Variants in CNBD1 observed in about 807,000 individuals in gnomAD.
The protein encoded by CNBD1 is cyclic nucleotide binding domain containing 1, also known as cyclic nucleotide-binding domain-containing protein 1.
CNBD1 carries 71 observed loss-of-function variants against 54.4 expected under a neutral mutation model. That is an observed-to-expected ratio of 1.30 (90% confidence interval 1.08 to 1.59). The LOEUF is 1.59. Among genes scored for constraint, CNBD1 ranks in the 40% most tolerant of loss-of-function variants. The pLI is 0.00. For missense variants in CNBD1, 659 were observed against 518.0 expected (o/e 1.27, Z -2.64); for synonymous variants, 182 against 170.7 (o/e 1.07, Z -0.51).
chr8:87,391,812 CA>C (rs1485377024), intron 2 of CNBD1, among the ~76,000 whole-genome samples: 2 of 151,920 alleles, frequency 1.3e-5, no homozygotes, highest in African/African-American at 2.4e-5. Flanking sequence ...AAAGCCCAAC[CA>C]AAAAATGAAA....
intron 6 of CNBD1, among the ~76,000 whole-genome samples, chr8:87,251,858 C>G (rs907533191): frequency 1.3e-5 from 2 of 151,814 alleles, no homozygotes; most frequent in Non-Finnish European, 2.9e-5. Context: ...CTGTATTTAT[C>G]TTTTTAAAAA....
intron 4 of CNBD1, among the ~76,000 whole-genome samples, chr8:87,065,518 C>T (rs1810630461): frequency 6.6e-6 from 1 of 151,618 alleles, no homozygotes; most frequent in Non-Finnish European, 1.5e-5. Context: ...TCTAGTTTGC[C>T]CTTATTATGA....
chr8:86,913,880 G>A (rs1809143143), intron 3 of CNBD1, among the ~76,000 whole-genome samples: 1 of 152,078 alleles, frequency 6.6e-6, no homozygotes, highest in Non-Finnish European at 1.5e-5. Context: ...ACCTCCCAGG[G>A]CAGCCATTTT....
At chr8:87,242,036 A>T (rs1807718179) in intron 6 of CNBD1, among the ~76,000 whole-genome samples, 2 of 152,202 alleles carry the variant, frequency 1.3e-5, no homozygotes, top group Admixed American at 1.3e-4. Context: ...GGGGGGTCAG[A>T]CATTCCTCAT....
intron 4 of CNBD1, among the ~76,000 whole-genome samples, chr8:87,185,997 T>G (rs1813467963): frequency 6.6e-6 from 1 of 152,134 alleles, no homozygotes; most frequent in Non-Finnish European, 1.5e-5. Flanking sequence ...GTTCCTCGTT[T>G]CCAAGGTTTA....
At chr8:87,311,009 C>T (rs1445136037) in intron 8 of CNBD1, among the ~76,000 whole-genome samples, 1 of 151,978 alleles carries the variant, frequency 6.6e-6, no homozygotes, top group Non-Finnish European at 1.5e-5. Flanking sequence ...AGGAGAAAAC[C>T]TAGGAAACAG....
chr8:87,192,503 C>T (rs1813634122), intron 4 of CNBD1, among the ~76,000 whole-genome samples: 1 of 152,128 alleles, frequency 6.6e-6, no homozygotes, highest in Non-Finnish European at 1.5e-5. Context: ...AAAATTCTTG[C>T]TCCACAACTT....
intron 4 of CNBD1, among the ~76,000 whole-genome samples, chr8:87,140,524 A>T (rs1230534841): frequency 6.6e-6 from 1 of 152,160 alleles, no homozygotes; most frequent in African/African-American, 2.4e-5. Flanking sequence ...AAGAGCCTTG[A>T]TGGCTTAAGT....
intron 4 of CNBD1, among the ~76,000 whole-genome samples, chr8:87,035,275 C>A (rs1041348031): frequency 7.2e-5 from 11 of 152,116 alleles, no homozygotes; most frequent in East Asian, 1.9e-4. Context: ...ATAACTGTAA[C>A]CCAAATATTG....
chr8:87,089,712 G>A (rs1009019214), intron 4 of CNBD1, among the ~76,000 whole-genome samples: 1 of 152,032 alleles, frequency 6.6e-6, no homozygotes, highest in Admixed American at 6.5e-5. Context: ...TAACTGAAAG[G>A]TGAGAAAATG....
chr8:87,316,232 AC>A (rs1432530223), intron 8 of CNBD1, among the ~76,000 whole-genome samples: 1 of 152,046 alleles, frequency 6.6e-6, no homozygotes, highest in African/African-American at 2.4e-5. Context: ...AATGACTCTT[AC>A]CAACGAATAG....
chr8:86,876,332 AT>A (rs1808520471), intron 1 of CNBD1, among the ~76,000 whole-genome samples: 1 of 151,958 alleles, frequency 6.6e-6, no homozygotes, highest in African/African-American at 2.4e-5. Flanking sequence ...TCCTTAAAAA[AT>A]CATTTTTGTT....
chr8:86,959,178 C>T lies in CNBD1; in HGVS notation c.431+19424C>T, dbSNP rs531903715. On this transcript the variant is annotated intron_variant, in intron 4 of 10. Transcript: ENST00000518476. The stretch of plus-strand genomic sequence containing the variant: ...CTTTAAGAATGTTGAATATTGGCCT[C>T]CACTCTCTTATGGCTTGTACAGTTT... 3.3e-5 allele frequency among the ~76,000 whole-genome samples: 5 copies of T among 152,306 alleles called. No individual in the cohort carries two copies. In the East Asian group the frequency reaches 9.6e-4, roughly 29 times the overall value.
chr8:87,112,526 A>G (rs558274232), intron 4 of CNBD1, among the ~76,000 whole-genome samples: 28 of 152,262 alleles, frequency 1.8e-4, no homozygotes, highest in African/African-American at 6.7e-4. Context: ...CATATGGTTG[A>G]TTAGTGATTG....
intron 4 of CNBD1, among the ~76,000 whole-genome samples, chr8:87,102,545 G>C (rs1811450464): frequency 6.6e-6 from 1 of 152,196 alleles, no homozygotes; most frequent in Non-Finnish European, 1.5e-5. Context: ...GCAAGAAATA[G>C]TTAATAGTGT....
chr8:87,342,476 G>A (rs1586030525), intron 8 of CNBD1, among the ~76,000 whole-genome samples: 2 of 152,202 alleles, frequency 1.3e-5, no homozygotes, highest in South Asian at 4.1e-4. Flanking sequence ...ATGTAATTAT[G>A]TTATCTAATT....
chr8:87,387,871 G>C (rs1214016536), intron 2 of CNBD1, among the ~76,000 whole-genome samples: 1 of 152,134 alleles, frequency 6.6e-6, no homozygotes, highest in Non-Finnish European at 1.5e-5. Context: ...GCACTCCTCA[G>C]CAAGTGTAGA....
At chr8:87,074,760 G>A (rs1003318565) in intron 4 of CNBD1, among the ~76,000 whole-genome samples, 3 of 152,052 alleles carry the variant, frequency 2.0e-5, no homozygotes, top group African/African-American at 7.3e-5. Context: ...CAGCTTGTTT[G>A]CCTAATCAGT....
chr8:86,878,477 T>C (rs1488064271), intron 1 of CNBD1, among the ~76,000 whole-genome samples: 1 of 151,524 alleles, frequency 6.6e-6, no homozygotes, highest in Non-Finnish European at 1.5e-5. Flanking sequence ...TTCTGTGTAG[T>C]TATTTGGCCA....
Sources: allele counts gnomAD v4.1 joint callset (sites outside exome capture counted in the v4.1 genomes callset), GRCh38; gene constraint gnomAD v4.1.1; transcripts MANE v1.5; gene names NCBI Gene and HGNC (gene_info 2026-07-23, HGNC 2026-07-21).